The following ANKRD11 variants were observed in gnomAD, a reference collection of about 807,000 sequenced individuals.
ANKRD11 encodes the protein ankyrin repeat domain 11.
A neutral mutation model predicts 195.7 loss-of-function variants in ANKRD11; 17 were observed. That is an observed-to-expected ratio of 0.09 (90% CI 0.06 to 0.13). The LOEUF is 0.13. ANKRD11 is among the 10% of genes least tolerant of loss of function. The pLI, the probability that ANKRD11 is intolerant of heterozygous loss-of-function variation, is 1.00. For synonymous variants in ANKRD11, 1,953 were observed against 1,528.1 expected (o/e 1.28, Z -6.49); for missense variants, 3,735 against 3,566.1 (o/e 1.05, Z -1.21).
Position 89,280,045 on chromosome 16 carries a change from A to C in ANKRD11, c.6497T>G (p.Met2166Arg), listed in dbSNP as rs74033733. 1.5e-3 allele frequency: 2,447 copies of C among 1,612,880 alleles called. 30 individuals are homozygous for C. The African/African-American group carries it at 0.029, about 19-fold the overall frequency. The change falls in exon 9 of 13, where the codon ATG (methionine) becomes AGG (arginine). Residue 2166 changes from methionine (M) to arginine (R), a missense_variant. Physicochemically the swap from Met to Arg is moderately conservative, Grantham distance 91 (BLOSUM62 -1). Coordinates refer to ENST00000301030, the MANE Select transcript of ANKRD11 (RefSeq NM_013275.6). ...VEESLAPPEE[M>R]PPGAPGVING... ...TATGACCCCGGGGGCCCCTGGAGGCATCTCTTCTGGAGGAGCAAGACTTTC... is the reference window on the plus strand; with the variant it reads ...TATGACCCCGGGGGCCCCTGGAGGCCTCTCTTCTGGAGGAGCAAGACTTTC...
At position 89,283,809 on chromosome 16, in the gene ANKRD11, G is replaced by T; in HGVS notation, c.2733C>A (p.Asp911Glu). Residue 911 changes from aspartate (D) to glutamate (E), a missense_variant, in exon 9 of 13, where the codon GAC (aspartate) becomes GAA (glutamate). Coordinates refer to ENST00000301030, the MANE Select transcript of ANKRD11 (RefSeq NM_013275.6). The surrounding 1 kb of genome is among the most constrained non-coding windows in gnomAD (Gnocchi z 4.3). The stretch of plus-strand genomic sequence containing the variant: ...TCTTCTCAGAGTTTTTATCCAAATA[G>T]TCCCTGTCCTTCTTTCGGAAGAAGG... ...REPFFRKKDRDYLDKNSEKRK... is the reference protein window; with the variant it reads ...REPFFRKKDREYLDKNSEKRK... The T allele has an allele frequency of 6.2e-7, 1 of 1,614,062 alleles. No individual in the cohort carries two copies. The highest frequency in any genetic ancestry group is 1.7e-5 in the Admixed American group (1 of 60,012).
chr16:89,381,469 A>G (rs891970234), intron 2 of ANKRD11, among the ~76,000 whole-genome samples: 1 of 152,184 alleles, frequency 6.6e-6, no homozygotes. Context: ...AGCTTTTCAC[A>G]TTGTAACAGC....
chr16:89,462,601 C>T (rs1597484598), intron 1 of ANKRD11, among the ~76,000 whole-genome samples: 1 of 150,598 alleles, frequency 6.6e-6, no homozygotes, highest in Middle Eastern at 3.4e-3. Flanking sequence ...TCCGCCCAGC[C>T]GCCATCCCAC....
chr16:89,318,877 C>T (rs979363762), intron 2 of ANKRD11, among the ~76,000 whole-genome samples: 1 of 152,166 alleles, frequency 6.6e-6, no homozygotes, highest in Non-Finnish European at 1.5e-5. Context: ...ATCCACCATC[C>T]CTGATGCCTG....
intron 2 of ANKRD11, chr16:89,360,755 G>A (rs758237061): frequency 1.3e-5 from 2 of 152,246 alleles, no homozygotes; most frequent in Non-Finnish European, 2.9e-5. Context: ...CTATGGAGAG[G>A]AAGAGGAGAA....
intron 2 of ANKRD11, among the ~76,000 whole-genome samples, chr16:89,377,993 C>A (rs560152909): frequency 2.6e-5 from 4 of 152,132 alleles, no homozygotes; most frequent in South Asian, 2.1e-4. Flanking sequence ...TTATGATTTT[C>A]TTAACAACAC....
chr16:89,435,980 C>T (rs1368970572), intron 1 of ANKRD11, among the ~76,000 whole-genome samples: 2 of 152,194 alleles, frequency 1.3e-5, no homozygotes, highest in Non-Finnish European at 2.9e-5. Flanking sequence ...GTGCTGAGCA[C>T]GCCCACCAGC....
Position 89,282,615 on chromosome 16 carries a change from C to A in ANKRD11, c.3927G>T (p.Thr1309=), listed in dbSNP as rs143428884. 6.2e-6 allele frequency: 10 copies of A among 1,614,036 alleles called. No individual in the cohort carries two copies. Among genetic ancestry groups the A allele is most frequent in the Non-Finnish European group, 8.5e-6 (10 of 1,180,048 alleles). ...KISEVSSDSF[T]DRGQEPGLTA... ...TCAGCCCCGGCTCCTGCCCTCGGTC[C>A]GTGAAGCTGTCAGAGGAGACCTCGC... Residue 1309 remains threonine (T), a synonymous_variant, in exon 9 of 13, where the codon ACG becomes ACT. Coordinates refer to ENST00000301030, the MANE Select transcript of ANKRD11 (RefSeq NM_013275.6).
At chr16:89,300,825 A>G (rs1374044830) in intron 4 of ANKRD11, 1 of 701,544 alleles carries the variant, frequency 1.4e-6, no homozygotes, top group East Asian at 2.7e-5. Context: ...CACAGGTCAA[A>G]GCAAAATAAG....
intron 1 of ANKRD11, among the ~76,000 whole-genome samples, chr16:89,485,451 G>GC (rs1417761541): frequency 6.6e-6 from 1 of 152,092 alleles, no homozygotes; most frequent in Non-Finnish European, 1.5e-5. Context: ...CCAAGATCGT[G>GC]CCACTGCACT....
At chr16:89,391,395 G>A (rs927588923) in intron 2 of ANKRD11, among the ~76,000 whole-genome samples, 4 of 152,106 alleles carry the variant, frequency 2.6e-5, no homozygotes, top group African/African-American at 9.7e-5. Flanking sequence ...ACCCCGTGCC[G>A]TCTCCAGGTA....
intron 7 of ANKRD11, chr16:89,287,230 C>A: frequency 1.8e-6 from 1 of 566,474 alleles, no homozygotes; most frequent in Non-Finnish European, 2.7e-6. Flanking sequence ...GTGCGGCCCT[C>A]CTCGGGTTCT....
At chr16:89,469,873 G>C (rs1042242953) in intron 1 of ANKRD11, among the ~76,000 whole-genome samples, 14 of 149,966 alleles carry the variant, frequency 9.3e-5, no homozygotes, top group African/African-American at 3.2e-4. Context: ...ACAGAGTGAG[G>C]CTCCGTTTCA....
intron 2 of ANKRD11, among the ~76,000 whole-genome samples, chr16:89,355,238 A>G: frequency 6.7e-6 from 1 of 150,222 alleles, no homozygotes; most frequent in East Asian, 2.0e-4. Flanking sequence ...GGGAGGGCGG[A>G]GGGCTCACAC....
chr16:89,485,126 G>C (rs1228964455), intron 1 of ANKRD11, among the ~76,000 whole-genome samples: 4 of 152,200 alleles, frequency 2.6e-5, no homozygotes, highest in African/African-American at 4.8e-5. Context: ...AGACAGGACG[G>C]CTTACTTTTA....
In ANKRD11 at chr16:89,281,209, G is replaced by A. The variant is rs1319171561; in HGVS notation, c.5333C>T (p.Ala1778Val). ...GTTTGTGGAGAGAGGCCTGGCAGGA[G>A]CCTGGCTGGCGTTTTCCGAAAGCCC... ...SSGLSENASQAPARPLSTNLY... is the reference protein window; with the variant it reads ...SSGLSENASQVPARPLSTNLY... Residue 1778 changes from alanine (A) to valine (V), a missense_variant, in exon 9 of 13, where the codon GCT becomes GTT. Transcript: ENST00000301030. The surrounding 1 kb of genome is among the most constrained non-coding windows in gnomAD (Gnocchi z 5.5). 5.6e-6 allele frequency: 9 copies of A among 1,614,088 alleles called. No homozygotes were observed. Among genetic ancestry groups the A allele is most frequent in the East Asian group, 2.2e-5 (1 of 44,898 alleles).
At chr16:89,383,362 T>C (rs1337849581) in intron 2 of ANKRD11, among the ~76,000 whole-genome samples, 1 of 152,224 alleles carries the variant, frequency 6.6e-6, no homozygotes, top group Non-Finnish European at 1.5e-5. Context: ...ATACCAACGC[T>C]GACCTCCTGA....
At chr16:89,296,467 C>A (rs1394656984) in intron 4 of ANKRD11, among the ~76,000 whole-genome samples, 1 of 152,200 alleles carries the variant, frequency 6.6e-6, no homozygotes, top group Non-Finnish European at 1.5e-5. Flanking sequence ...TTCCAATTCA[C>A]CAATACTTTC....
chr16:89,328,338 C>T (rs1168742490), intron 2 of ANKRD11, among the ~76,000 whole-genome samples: 2 of 152,204 alleles, frequency 1.3e-5, no homozygotes, highest in African/African-American at 4.8e-5. Context: ...CAACTGCACC[C>T]CAGGACATTT....
Sources: allele counts gnomAD v4.1 joint callset (sites outside exome capture counted in the v4.1 genomes callset), GRCh38; gene constraint gnomAD v4.1.1; non-coding constraint Gnocchi (gnomAD v3.1); transcripts MANE v1.5; gene names NCBI Gene and HGNC (gene_info 2026-07-23, HGNC 2026-07-21).